MYO3B: variants seen among roughly 807,000 people sequenced by gnomAD.
The protein encoded by MYO3B is myosin-IIIb.
A neutral mutation model predicts 174.6 loss-of-function variants in MYO3B; 156 were observed. The observed-to-expected ratio is 0.89, with a 90% confidence interval of 0.78 to 1.02. The LOEUF is 1.02. MYO3B is among the 50% of genes least tolerant of loss of function. The pLI is 0.00. For synonymous variants in MYO3B, 563 were observed against 569.1 expected (o/e 0.99, Z 0.15); for missense variants, 1,632 against 1,639.4 (o/e 1.00, Z 0.08).
At chr2:170,347,407 G>T (rs1381708748) in intron 8 of MYO3B, among the ~76,000 whole-genome samples, 1 of 152,094 alleles carries the variant, frequency 6.6e-6, no homozygotes, top group Non-Finnish European at 1.5e-5. Flanking sequence ...TTCAAGACCA[G>T]CCTGGCCAAC....
rs370848624 is a variant in MYO3B at position 170,407,703 on chromosome 2, T to G, written c.2521-12T>G. The G allele has an allele frequency of 9.9e-6, 16 of 1,609,530 alleles. No individual in the cohort carries two copies. Among genetic ancestry groups the G allele is most frequent in the African/African-American group, 1.3e-5 (1 of 74,676 alleles). On this transcript the variant is annotated splice_polypyrimidine_tract_variant and intron_variant, in intron 21 of 34. Transcript: ENST00000408978. ...GACTTGGCTAATTTGCCGTTTGCTA[T>G]TCATGTTACAGGTATTATATGATGC...
At chr2:170,646,384 G>T (rs565939488) in intron 32 of MYO3B, among the ~76,000 whole-genome samples, 9 of 151,788 alleles carry the variant, frequency 5.9e-5, no homozygotes, top group East Asian at 5.8e-4. Flanking sequence ...AGTTCTGGGG[G>T]TTTTTTTCTG....
At chr2:170,242,025 A>G (rs908588106) in intron 7 of MYO3B, among the ~76,000 whole-genome samples, 6 of 152,212 alleles carry the variant, frequency 3.9e-5, no homozygotes, top group Non-Finnish European at 7.3e-5. Context: ...ATATAAAGGA[A>G]AGAAATTAAA....
intron 32 of MYO3B, among the ~76,000 whole-genome samples, chr2:170,614,710 T>G (rs1695335231): frequency 6.6e-6 from 1 of 152,224 alleles, no homozygotes; most frequent in South Asian, 2.1e-4. Context: ...GCCCAGCATC[T>G]ATAGCATAAG....
In MYO3B at chr2:170,199,406, T is replaced by G; in HGVS notation, c.186+15T>G. ...ATCCAGTCAGTGTAAGTAACAGTTG[T>G]AAATTATAACCAGAATTTGGTGTTT... is the stretch of plus-strand genomic sequence containing the variant. On this transcript the variant is annotated intron_variant, in intron 2 of 34. Transcript: ENST00000408978. The G allele has an allele frequency of 6.4e-7, 1 of 1,566,490 alleles. No homozygotes were observed. The highest frequency in any genetic ancestry group is 8.6e-7 in the Non-Finnish European group (1 of 1,156,234).
intron 9 of MYO3B, among the ~76,000 whole-genome samples, chr2:170,373,396 G>T (rs2094262710): frequency 6.6e-6 from 1 of 152,134 alleles, no homozygotes; most frequent in Non-Finnish European, 1.5e-5. Context: ...GGCAGTCCTG[G>T]GCCCTCCAGC....
chr2:170,380,850 A>G (rs1275621731), intron 9 of MYO3B, among the ~76,000 whole-genome samples: 7 of 152,314 alleles, frequency 4.6e-5, no homozygotes, highest in African/African-American at 1.7e-4. Context: ...GTGCAGTGGC[A>G]TATGCCTGTA....
chr2:170,566,536 T>C (rs1011964952), intron 32 of MYO3B, among the ~76,000 whole-genome samples: 5 of 152,224 alleles, frequency 3.3e-5, no homozygotes, highest in Admixed American at 2.0e-4. Flanking sequence ...TAAATATTAC[T>C]GATCTTATAG....
intron 28 of MYO3B, among the ~76,000 whole-genome samples, chr2:170,511,753 T>C (rs1159282955): frequency 6.6e-6 from 1 of 152,156 alleles, no homozygotes; most frequent in Non-Finnish European, 1.5e-5. Flanking sequence ...CCACAAAATA[T>C]TTTTTCCCAT....
intron 25 of MYO3B, among the ~76,000 whole-genome samples, chr2:170,479,368 A>C (rs1424704561): frequency 6.8e-6 from 1 of 147,136 alleles, no homozygotes; most frequent in African/African-American, 2.5e-5. Context: ...ATTTATATAT[A>C]AAAATAATAT....
chr2:170,182,001 A>G (rs563073931), intron 1 of MYO3B, among the ~76,000 whole-genome samples: 31 of 152,212 alleles, frequency 2.0e-4, no homozygotes, highest in African/African-American at 7.2e-4. Flanking sequence ...TCTTTTATAC[A>G]TTTAAATTTT....
intron 32 of MYO3B, among the ~76,000 whole-genome samples, chr2:170,619,096 G>A (rs1695660317): frequency 6.6e-6 from 1 of 152,168 alleles, no homozygotes; most frequent in Admixed American, 6.5e-5. Flanking sequence ...ACCCTAAAGA[G>A]GCCTAGAAGA....
chr2:170,545,700 G>A (rs1429662459), intron 32 of MYO3B, among the ~76,000 whole-genome samples: 1 of 152,186 alleles, frequency 6.6e-6, no homozygotes, highest in Non-Finnish European at 1.5e-5. Flanking sequence ...GCTATAAATG[G>A]CTCATATGCA....
chr2:170,494,508 A>C (rs995643578), intron 25 of MYO3B, among the ~76,000 whole-genome samples: 4 of 152,100 alleles, frequency 2.6e-5, no homozygotes, highest in Non-Finnish European at 4.4e-5. Flanking sequence ...CGGGCAGATC[A>C]CTTGAGGTCA....
At chr2:170,266,444 T>C (rs2093384031) in intron 7 of MYO3B, among the ~76,000 whole-genome samples, 1 of 152,220 alleles carries the variant, frequency 6.6e-6, no homozygotes, top group Non-Finnish European at 1.5e-5. Context: ...TTGTAGGATA[T>C]CTACTAGAAA....
At chr2:170,198,543 A>G (rs1390201852) in intron 1 of MYO3B, among the ~76,000 whole-genome samples, 1 of 152,214 alleles carries the variant, frequency 6.6e-6, no homozygotes, top group African/African-American at 2.4e-5. Flanking sequence ...TCTACCATTC[A>G]GCAGTTCAGT....
chr2:170,228,464 TGAGTACCAA>T (rs2092976764), intron 6 of MYO3B, among the ~76,000 whole-genome samples: 1 of 152,178 alleles, frequency 6.6e-6, no homozygotes, highest in South Asian at 2.1e-4. Flanking sequence ...CTTCACTTTT[TGAGTACCAA>T]GGACACATAC....
At position 170,622,699 on chromosome 2, in the gene MYO3B, T is replaced by C. The variant is rs1696035427; in HGVS notation, c.3734-28929T>C. ...TAACTCATCATTTACATTAGGTATATCTCCTAATGCTATCCCTCACCCCTC... is the reference window on the plus strand; with the variant it reads ...TAACTCATCATTTACATTAGGTATACCTCCTAATGCTATCCCTCACCCCTC... On this transcript the variant is annotated intron_variant, in intron 32 of 34. Coordinates refer to ENST00000408978, the MANE Select transcript of MYO3B (RefSeq NM_138995.5). Among the ~76,000 whole-genome samples, 5 of 151,870 alleles carry C rather than the reference T, an allele frequency of 3.3e-5. No individual in the cohort carries two copies. In the South Asian group the frequency reaches 1.0e-3, roughly 32 times the overall value.
intron 32 of MYO3B, among the ~76,000 whole-genome samples, chr2:170,612,342 A>C (rs539873842): frequency 6.6e-6 from 1 of 152,340 alleles, no homozygotes; most frequent in South Asian, 2.1e-4. Context: ...GCCAGTGCTC[A>C]GGGCCTTATG....
Sources: gnomAD v4.1 joint callset for allele counts (sites outside exome capture counted in the v4.1 genomes callset) on GRCh38, gnomAD v4.1.1 for gene constraint, MANE v1.5 for transcripts, NCBI Gene and HGNC (gene_info 2026-07-23, HGNC 2026-07-21) for gene names.